The following NCKAP1 variants were observed in gnomAD, a reference collection of about 807,000 sequenced individuals.
NCKAP1 encodes nck-associated protein 1.
In NCKAP1, 21 loss-of-function variants were observed where a neutral mutation model predicts 151.2. The observed-to-expected ratio is 0.14, with a 90% CI of 0.10 to 0.20. The LOEUF (loss-of-function observed/expected upper bound fraction) is 0.20, where lower values mean the gene tolerates loss of function less well. Ranked by LOEUF, NCKAP1 falls within the 10% of genes least tolerant of loss-of-function variation. The pLI is 1.00. For synonymous variants in NCKAP1, 484 were observed against 451.8 expected (o/e 1.07, Z -0.90); for missense variants, 933 against 1,352.1 (o/e 0.69, Z 4.86).
intron 8 of NCKAP1, among the ~76,000 whole-genome samples, chr2:182,992,346 T>C: frequency 6.6e-6 from 1 of 152,216 alleles, no homozygotes; most frequent in East Asian, 1.9e-4. Context: ...TTATCCCAAA[T>C]CTGCCTTCTC....
At chr2:183,020,340 C>T (rs1049986469) in intron 2 of NCKAP1, among the ~76,000 whole-genome samples, 3 of 151,476 alleles carry the variant, frequency 2.0e-5, no homozygotes, top group Non-Finnish European at 4.4e-5. Flanking sequence ...GGTTGTGCCC[C>T]TGTAGTTCCA....
At chr2:183,000,045 C>G (rs951649379) in intron 6 of NCKAP1, among the ~76,000 whole-genome samples, 13 of 152,090 alleles carry the variant, frequency 8.5e-5, no homozygotes, top group African/African-American at 3.1e-4. Flanking sequence ...TATTGGGTAC[C>G]ATGTTCACTA....
At chr2:183,027,744 G>A (rs1031106825) in intron 1 of NCKAP1, among the ~76,000 whole-genome samples, 1 of 152,042 alleles carries the variant, frequency 6.6e-6, no homozygotes, top group African/African-American at 2.4e-5. Flanking sequence ...AAACAGTATA[G>A]AAAATTCCAA....
chr2:182,930,996 C>T (rs1315908400), intron 26 of NCKAP1, among the ~76,000 whole-genome samples: 1 of 152,070 alleles, frequency 6.6e-6, no homozygotes, highest in Admixed American at 6.6e-5. Context: ...CTTCCTACTG[C>T]TAGGCCAAAC....
At position 182,912,881 on chromosome 2, in the gene NCKAP1, G is replaced by GAAGGAAGGAAGC. The variant is rs1399135060; in HGVS notation, c.*12820_*12821insGCTTCCTTCCTT. ...GGAAGGAAGGAAGGAAGGAAGGAAG[G>GAAGGAAGGAAGC]AAGGAAAGAATTCAGCCAGATGAAC... On this transcript the variant is annotated 3_prime_UTR_variant, in exon 31 of 31. Coordinates refer to ENST00000361354, the MANE Select transcript of NCKAP1 (RefSeq NM_013436.5). 1.3e-5 allele frequency: 2 copies of GAAGGAAGGAAGC among 152,356 alleles called. No homozygotes were observed. Among genetic ancestry groups the GAAGGAAGGAAGC allele is most frequent in the East Asian group, 3.9e-4 (2 of 5,166 alleles). The allele number at this position is 152,356 out of a possible 1,614,324, so 9.4% of individuals were successfully genotyped here.
At chr2:182,948,415 TC>T (rs1196067241) in intron 23 of NCKAP1, among the ~76,000 whole-genome samples, 5 of 152,028 alleles carry the variant, frequency 3.3e-5, no homozygotes, top group Non-Finnish European at 5.9e-5. Context: ...CGTTCCGCAT[TC>T]CCCTAACTTT....
chr2:182,964,630 G>C (rs748506887), intron 17 of NCKAP1, 46 bp downstream of exon 17: 68 of 1,454,430 alleles, frequency 4.7e-5, no homozygotes, highest in Middle Eastern at 1.8e-4. Context: ...GTTTGATCTA[G>C]TTTACTTTGC....
At chr2:182,959,301 A>G (rs902515170) in intron 18 of NCKAP1, among the ~76,000 whole-genome samples, 5 of 151,988 alleles carry the variant, frequency 3.3e-5, no homozygotes, top group African/African-American at 1.2e-4. Context: ...TCTCTATAAC[A>G]CTCTTCACAA....
At chr2:182,957,706 A>G (rs1390164412) in intron 18 of NCKAP1, 110 bp from the exon 19 acceptor site, 1 of 1,165,764 alleles carries the variant, frequency 8.6e-7, no homozygotes, top group Non-Finnish European at 1.2e-6. Context: ...ATATCACAAC[A>G]ATATTAAAAG....
intron 24 of NCKAP1, among the ~76,000 whole-genome samples, chr2:182,935,722 G>C (rs1013857772): frequency 6.6e-6 from 1 of 151,742 alleles, no homozygotes; most frequent in African/African-American, 2.4e-5. Context: ...GAAAAGGTAG[G>C]GGCAGAAAGA....
At chr2:182,974,596 A>T (rs13425514) in intron 15 of NCKAP1, among the ~76,000 whole-genome samples, 1,587 of 152,320 alleles carry the variant, frequency 0.01, 14 homozygotes, top group African/African-American at 0.028. Flanking sequence ...TGCAACTACA[A>T]GCAAGGAACA....
At chr2:182,995,982 G>C (rs968909059) in intron 6 of NCKAP1, 144 bp from the exon 7 acceptor site, 14 of 732,170 alleles carry the variant, frequency 1.9e-5, no homozygotes, top group Non-Finnish European at 2.6e-5. Context: ...TAATATCTGA[G>C]TTGGGTTGTG....
chr2:182,997,962 T>C lies in NCKAP1; in HGVS notation c.604-2124A>G, dbSNP rs536466196. Among the ~76,000 whole-genome samples the C allele has an allele frequency of 2.9e-3, 446 of 152,176 alleles. 4 individuals carry two copies. Among genetic ancestry groups the C allele is most frequent in the African/African-American group, 0.01 (420 of 41,488 alleles). On this transcript the variant is annotated intron_variant, in intron 6 of 30. Coordinates refer to ENST00000361354, the MANE Select transcript of NCKAP1 (RefSeq NM_013436.5). ...CTCACAAACCACATCCAGCAGGACATCAAAAAGTTAATTCACCATGATCAA... is the reference window on the plus strand; with the variant it reads ...CTCACAAACCACATCCAGCAGGACACCAAAAAGTTAATTCACCATGATCAA...
Position 182,934,736 on chromosome 2 carries a change from T to C in NCKAP1, c.2859+16A>G. The C allele has an allele frequency of 1.6e-6, 2 of 1,258,382 alleles. No individual in the cohort carries two copies. Among genetic ancestry groups the C allele is most frequent in the Middle Eastern group, 1.9e-4 (1 of 5,362 alleles). 78.0% of individuals were successfully genotyped at this position (1,258,382 alleles called of 1,614,324 possible). A position where few individuals can be genotyped will look rare whatever the true frequency, so the allele number is the denominator to read the frequency against. The stretch of plus-strand genomic sequence containing the variant: ...CTTTAGAGACTGTAAACCCCAACTA[T>C]AAATTATATTATTACCTTCATATCA... On this transcript the variant is annotated intron_variant, in intron 26 of 30. Coordinates refer to ENST00000361354, the MANE Select transcript of NCKAP1 (RefSeq NM_013436.5).
At chr2:182,990,146 T>C (rs74767753) in intron 8 of NCKAP1, among the ~76,000 whole-genome samples, 8,500 of 152,086 alleles carry the variant, frequency 0.056, 359 homozygotes, top group African/African-American at 0.12. Context: ...TCTTCTCATA[T>C]ATATTATTTC....
chr2:182,999,381 CAT>C (rs1258710225), intron 6 of NCKAP1, among the ~76,000 whole-genome samples: 5 of 151,964 alleles, frequency 3.3e-5, no homozygotes, highest in Non-Finnish European at 5.9e-5. Flanking sequence ...ACCCAACAAA[CAT>C]ATGAAAAAAT....
At chr2:182,931,335 T>C (rs187972530) in intron 26 of NCKAP1, among the ~76,000 whole-genome samples, 46 of 152,254 alleles carry the variant, frequency 3.0e-4, no homozygotes, top group African/African-American at 1.1e-3. Flanking sequence ...CAAGGCATTC[T>C]GACTGCTCAA....
intron 1 of NCKAP1, among the ~76,000 whole-genome samples, chr2:183,035,463 A>G (rs940017443): frequency 6.6e-6 from 1 of 152,196 alleles, no homozygotes; most frequent in Non-Finnish European, 1.5e-5. Flanking sequence ...TAGACAATCT[A>G]ATGCACATGC....
At chr2:182,952,156 ACT>A (rs1217068396) in intron 23 of NCKAP1, among the ~76,000 whole-genome samples, 2 of 152,108 alleles carry the variant, frequency 1.3e-5, no homozygotes, top group African/African-American at 2.4e-5. Context: ...CAAGCCAAAG[ACT>A]CTGAGGTTCT....
Sources: allele counts gnomAD v4.1 joint callset (sites outside exome capture counted in the v4.1 genomes callset), GRCh38; gene constraint gnomAD v4.1.1; transcripts MANE v1.5; gene names NCBI Gene and HGNC (gene_info 2026-07-23, HGNC 2026-07-21).